NAALADL2: variants seen among roughly 807,000 people sequenced by gnomAD.
NAALADL2 encodes N-acetylated alpha-linked acidic dipeptidase like 2.
Under a neutral mutation model 87.2 loss-of-function variants are expected in NAALADL2, and 76 were observed. The observed-to-expected ratio is 0.87, with a 90% confidence interval of 0.72 to 1.05. The LOEUF is 1.05. Ranked by LOEUF, NAALADL2 falls within the 50% of genes least tolerant of loss-of-function variation. The pLI is 0.00. For synonymous variants in NAALADL2, 354 were observed against 331.0 expected, an observed-to-expected ratio of 1.07 and a Z score of -0.75; for missense variants, 1,089 against 945.8, an observed-to-expected ratio of 1.15 and a Z score of -1.99.
intron 9 of NAALADL2, among the ~76,000 whole-genome samples, chr3:175,506,594 T>G (rs538881471): frequency 2.6e-5 from 4 of 152,230 alleles, no homozygotes; most frequent in Admixed American, 6.5e-5. Context: ...CACACTTCAC[T>G]GGACTTAAGA....
intron 3 of NAALADL2, among the ~76,000 whole-genome samples, chr3:175,246,038 G>A (rs1033197386): frequency 6.6e-6 from 1 of 152,138 alleles, no homozygotes; most frequent in Admixed American, 6.5e-5. Flanking sequence ...TGGTCTTCAT[G>A]ATAATGACCA....
At chr3:174,554,114 A>G (rs774372962) in intron 2 of NAALADL2, among the ~76,000 whole-genome samples, 3 of 152,100 alleles carry the variant, frequency 2.0e-5, no homozygotes, top group South Asian at 2.1e-4. Context: ...ATTATATTTT[A>G]TAAATATCTT....
chr3:175,765,692 G>GCCAGT (rs1186390551), intron 13 of NAALADL2, among the ~76,000 whole-genome samples: 1 of 152,048 alleles, frequency 6.6e-6, no homozygotes, highest in African/African-American at 2.4e-5. Flanking sequence ...AAGACCCATT[G>GCCAGT]CCAGTCTGAG....
intron 3 of NAALADL2, among the ~76,000 whole-genome samples, chr3:175,244,583 C>T (rs1007210674): frequency 2.0e-5 from 3 of 151,980 alleles, no homozygotes; most frequent in Non-Finnish European, 4.4e-5. Context: ...GTATCCAATC[C>T]CATCGCTATA....
chr3:175,285,096 T>C lies in NAALADL2; in HGVS notation c.939+28566T>C, dbSNP rs189409825. On this transcript the variant is annotated intron_variant, in intron 4 of 13. Transcript: ENST00000454872. The stretch of plus-strand genomic sequence containing the variant: ...AACAGTCTCTTCATTATTAGAAATA[T>C]TTGTTTTCTAGATTTTTTATTCTTA... Among the ~76,000 whole-genome samples the C allele has an allele frequency of 3.9e-4, 59 of 152,298 alleles. 1 individual carries two copies. The highest frequency in any genetic ancestry group is 1.4e-3 in the African/African-American group (57 of 41,586).
intron 2 of NAALADL2, among the ~76,000 whole-genome samples, chr3:174,613,685 C>T (rs983616989): frequency 6.6e-6 from 1 of 152,136 alleles, no homozygotes; most frequent in African/African-American, 2.4e-5. Context: ...GGGCAGTAGG[C>T]TCCTTTCTGG....
chr3:174,662,805 T>C (rs58042099), intron 2 of NAALADL2, among the ~76,000 whole-genome samples: 11,855 of 152,270 alleles, frequency 0.078, 692 homozygotes, highest in South Asian at 0.27. Flanking sequence ...GTATGCTCTG[T>C]GCTACTATAA....
At chr3:175,067,378 A>C (rs1301564910) in intron 1 of NAALADL2, among the ~76,000 whole-genome samples, 1 of 152,082 alleles carries the variant, frequency 6.6e-6, no homozygotes, top group Non-Finnish European at 1.5e-5. Flanking sequence ...ATTTCATAAG[A>C]AACTTAAACA....
chr3:175,130,163 G>T (rs1378034881), intron 2 of NAALADL2, among the ~76,000 whole-genome samples: 1 of 151,646 alleles, frequency 6.6e-6, no homozygotes, highest in Non-Finnish European at 1.5e-5. Context: ...ATTGTTTGTT[G>T]TCTCATATCG....
intron 3 of NAALADL2, among the ~76,000 whole-genome samples, chr3:174,746,805 C>A (rs1488055672): frequency 1.3e-5 from 2 of 152,058 alleles, no homozygotes; most frequent in Non-Finnish European, 2.9e-5. Flanking sequence ...CTTTGACAAA[C>A]CTGACAAAAA....
intron 1 of NAALADL2, among the ~76,000 whole-genome samples, chr3:174,964,046 A>AC (rs1742525602): frequency 6.7e-6 from 1 of 149,756 alleles, no homozygotes; most frequent in Non-Finnish European, 1.5e-5. Context: ...AAAAAAAACT[A>AC]CCTGTATGAG....
chr3:175,275,849 TATA>T (rs1753514551), intron 4 of NAALADL2, among the ~76,000 whole-genome samples: 1 of 150,586 alleles, frequency 6.6e-6, no homozygotes, highest in African/African-American at 2.4e-5. Context: ...ATATAATAAT[TATA>T]ATAAGTTTAA....
At chr3:175,535,658 C>T (rs1734716450) in intron 9 of NAALADL2, among the ~76,000 whole-genome samples, 1 of 152,080 alleles carries the variant, frequency 6.6e-6, no homozygotes, top group Non-Finnish European at 1.5e-5. Flanking sequence ...ATTTCCTCCT[C>T]AAGGGTGAGA....
intron 12 of NAALADL2, among the ~76,000 whole-genome samples, chr3:175,753,645 G>A (rs1746886053): frequency 6.6e-6 from 1 of 152,076 alleles, no homozygotes; most frequent in Non-Finnish European, 1.5e-5. Flanking sequence ...AATATGTATA[G>A]AATAATCTGA....
intron 2 of NAALADL2, among the ~76,000 whole-genome samples, chr3:174,577,086 C>G (rs906946365): frequency 1.3e-5 from 2 of 151,910 alleles, no homozygotes; most frequent in Non-Finnish European, 1.5e-5. Flanking sequence ...CTCTTGGTGA[C>G]TTATATTAGC....
chr3:174,604,496 G>T (rs181238244), intron 2 of NAALADL2, among the ~76,000 whole-genome samples: 4 of 151,948 alleles, frequency 2.6e-5, no homozygotes, highest in African/African-American at 9.7e-5. Context: ...AGATCACTGA[G>T]TCCTGTTTTT....
intron 5 of NAALADL2, among the ~76,000 whole-genome samples, chr3:175,352,141 A>C (rs75252196): frequency 0.011 from 1,650 of 150,662 alleles, 24 homozygotes; most frequent in African/African-American, 0.039. Context: ...TATTGGTGAG[A>C]GACAGAAGGA....
chr3:174,491,383 TACTCTC>T (rs1718183218), intron 1 of NAALADL2, among the ~76,000 whole-genome samples: 1 of 152,320 alleles, frequency 6.6e-6, no homozygotes, highest in East Asian at 1.9e-4. Context: ...AGCTTCCACT[TACTCTC>T]AAGCTGTTCA....
intron 9 of NAALADL2, among the ~76,000 whole-genome samples, chr3:175,502,522 G>A (rs777842573): frequency 3.3e-5 from 5 of 152,102 alleles, no homozygotes; most frequent in Non-Finnish European, 7.4e-5. Flanking sequence ...GAGCCTGATA[G>A]CTTTAAGACT....
Sources: allele counts gnomAD v4.1 joint callset (sites outside exome capture counted in the v4.1 genomes callset), GRCh38; gene constraint gnomAD v4.1.1; transcripts MANE v1.5; gene names NCBI Gene and HGNC (gene_info 2026-07-23, HGNC 2026-07-21).